ZNF43: variants seen among roughly 807,000 people sequenced by gnomAD.
The protein encoded by ZNF43 is zinc finger protein 43.
Under a neutral mutation model 68.4 loss-of-function variants are expected in ZNF43, and 44 were observed. That is an observed-to-expected ratio of 0.64 (90% CI 0.51 to 0.83). The LOEUF (loss-of-function observed/expected upper bound fraction) is 0.83, where lower values mean the gene tolerates loss of function less well. Among genes scored for constraint, ZNF43 ranks in the 40% least tolerant of loss-of-function variants. The probability of loss-of-function intolerance (pLI) is 0.00; values close to 1 mark genes in which losing one functional copy is unlikely to be tolerated. For synonymous variants in ZNF43, 308 were observed against 307.8 expected (o/e 1.00, Z -0.01); for missense variants, 896 against 933.2 (o/e 0.96, Z 0.52).
intron 1 of ZNF43, among the ~76,000 whole-genome samples, chr19:21,830,556 A>G (rs1343699698): frequency 1.6e-5 from 2 of 123,952 alleles, no homozygotes; most frequent in Admixed American, 1.5e-4. Flanking sequence ...CCAAAGACTG[A>G]AAAAAAAAAA....
intron 1 of ZNF43, among the ~76,000 whole-genome samples, chr19:21,846,566 G>C (rs1967968377): frequency 6.6e-6 from 1 of 152,068 alleles, no homozygotes. Context: ...CACATCACTT[G>C]GGTGTAAAAC....
At chr19:21,822,621 C>T (rs566876234) in intron 1 of ZNF43, among the ~76,000 whole-genome samples, 4 of 151,838 alleles carry the variant, frequency 2.6e-5, no homozygotes, top group Non-Finnish European at 4.4e-5. Context: ...CTGGCTAACA[C>T]AGTGAAACCC....
chr19:21,837,415 C>CTT (rs539940868), upstream of ZNF43, among the ~76,000 whole-genome samples: 1,896 of 83,988 alleles, frequency 0.023, 370 homozygotes, highest in African/African-American at 0.076. Context: ...CCTACACTTA[C>CTT]TTTTTTTTTT....
intron 3 of ZNF43, among the ~76,000 whole-genome samples, chr19:21,810,233 T>G (rs1245463613): frequency 1.3e-5 from 2 of 152,212 alleles, no homozygotes; most frequent in African/African-American, 4.8e-5. Flanking sequence ...AAGAAGTGTG[T>G]GTCAGCATCT....
chr19:21,810,154 G>C (rs191529093), intron 3 of ZNF43, among the ~76,000 whole-genome samples: 1 of 152,092 alleles, frequency 6.6e-6, no homozygotes, highest in African/African-American at 2.4e-5. Flanking sequence ...TGCATATAGC[G>C]GAATACCTGA....
chr19:21,808,214 T>C lies in ZNF43; in HGVS notation c.1823A>G (p.Asn608Ser). The C allele has an allele frequency of 6.2e-7, 1 of 1,611,932 alleles. No homozygotes were observed. Among genetic ancestry groups the C allele is most frequent in the Non-Finnish European group, 8.5e-7 (1 of 1,179,382 alleles). The change falls in exon 4 of 4, where the codon AAC becomes AGC. Residue 608 changes from asparagine (N) to serine (S), a missense_variant. Transcript: ENST00000354959. ...ATGAATTTTTTTATGTGTAGTAAGG[T>C]TTGAAGATTGGGTAAAAGCTTTGCC... ...ECGKAFTQSSNLTTHKKIHTG... is the reference protein window; with the variant it reads ...ECGKAFTQSSSLTTHKKIHTG...
At chr19:21,818,229 A>C (rs559691781) in intron 2 of ZNF43, among the ~76,000 whole-genome samples, 1 of 152,080 alleles carries the variant, frequency 6.6e-6, no homozygotes, top group East Asian at 1.9e-4. Context: ...CAGTCTCCCA[A>C]GTAGTTGGGA....
intron 1 of ZNF43, chr19:21,841,317 G>A (rs894678715): frequency 5.9e-5 from 9 of 152,100 alleles, no homozygotes; most frequent in South Asian, 2.1e-4. Context: ...ATGCTGAGTC[G>A]GAAATATGTC....
At chr19:21,839,403 C>G (rs1277105648), upstream of ZNF43, among the ~76,000 whole-genome samples, 1 of 148,206 alleles carries the variant, frequency 6.7e-6, no homozygotes, top group African/African-American at 2.5e-5. Context: ...ATCACAAGCA[C>G]CCCAGTGGAC....
At chr19:21,848,313 T>C (rs1003046148) in intron 1 of ZNF43, among the ~76,000 whole-genome samples, 9 of 152,078 alleles carry the variant, frequency 5.9e-5, no homozygotes, top group African/African-American at 2.2e-4. Context: ...GTGGCTAATT[T>C]TTGTATTGTT....
At chr19:21,842,792 T>A (rs1330163071) in intron 1 of ZNF43, among the ~76,000 whole-genome samples, 1 of 152,168 alleles carries the variant, frequency 6.6e-6, no homozygotes, top group Admixed American at 6.5e-5. Flanking sequence ...TAATCTAGTT[T>A]ATGGGCCCAG....
intron 1 of ZNF43, among the ~76,000 whole-genome samples, chr19:21,830,199 C>T (rs1026089467): frequency 8.0e-5 from 12 of 150,940 alleles, no homozygotes; most frequent in African/African-American, 2.2e-4. Flanking sequence ...TGCAGTGAGG[C>T]GGAGGTTGCA....
At position 21,808,805 on chromosome 19, in the gene ZNF43, G is replaced by A. The variant is rs754223302; in HGVS notation, c.1232C>T (p.Ser411Leu). The A allele has an allele frequency of 1.9e-6, 3 of 1,612,724 alleles. No individual in the cohort carries two copies. The South Asian group carries it at 3.3e-5, about 18-fold the overall frequency. ...AGTTAACTTATGTTCAGTAAGCTTT[G>A]AGGACCACTTAAAAGCTTTGCCACA... ...EECGKAFKWSSKLTEHKLTHT... is the reference protein window; with the variant it reads ...EECGKAFKWSLKLTEHKLTHT... Residue 411 changes from serine to leucine, a missense_variant, in exon 4 of 4, where the codon TCA becomes TTA. By Grantham distance (145) the Ser-to-Leu change is moderately radical. Transcript: ENST00000354959.
At chr19:21,837,553 T>C (rs529477921), upstream of ZNF43, among the ~76,000 whole-genome samples, 12 of 151,460 alleles carry the variant, frequency 7.9e-5, no homozygotes, top group African/African-American at 2.9e-4. Context: ...GCCTACCAAG[T>C]AGCTGGGGAT....
chr19:21,828,396 G>A (rs763226093), intron 1 of ZNF43, among the ~76,000 whole-genome samples: 27 of 152,002 alleles, frequency 1.8e-4, no homozygotes, highest in East Asian at 9.8e-4. Context: ...TGGCTAACAC[G>A]GTGAAACCCC....
chr19:21,815,334 T>A (rs2037469305), intron 3 of ZNF43, among the ~76,000 whole-genome samples: 1 of 151,980 alleles, frequency 6.6e-6, no homozygotes, highest in Non-Finnish European at 1.5e-5. Context: ...TGCAGTATAA[T>A]CATAAATACA....
chr19:21,822,250 CA>C (rs2037884236), intron 1 of ZNF43, among the ~76,000 whole-genome samples: 1 of 152,278 alleles, frequency 6.6e-6, no homozygotes, highest in Non-Finnish European at 1.5e-5. Flanking sequence ...CTGTCCCTAC[CA>C]AACCCAAACA....
chr19:21,836,562 T>C (rs891846808), upstream of ZNF43, among the ~76,000 whole-genome samples: 4 of 152,238 alleles, frequency 2.6e-5, no homozygotes, highest in East Asian at 1.9e-4. Flanking sequence ...ATTACAAACA[T>C]TGAATATTTT....
chr19:21,848,012 G>A (rs186819756), intron 1 of ZNF43, among the ~76,000 whole-genome samples: 3 of 150,882 alleles, frequency 2.0e-5, no homozygotes, highest in East Asian at 4.0e-4. Context: ...TAGTAGAGAC[G>A]TTTCACCATA....
Sources: gnomAD v4.1 joint callset for allele counts (sites outside exome capture counted in the v4.1 genomes callset) on GRCh38, gnomAD v4.1.1 for gene constraint, MANE v1.5 for transcripts, NCBI Gene and HGNC (gene_info 2026-07-23, HGNC 2026-07-21) for gene names.